UMAD1: variants seen among roughly 807,000 people sequenced by gnomAD.
UMAD1 encodes the protein UBAP1-MVB12-associated (UMA)-domain containing protein 1.
UMAD1 carries 8 observed loss-of-function variants against 6.1 expected under a neutral mutation model. The ratio of observed to expected loss-of-function variants is 1.30; its 90% CI spans 0.76 to 2.35. UMAD1 has a LOEUF of 2.35. Ranked by LOEUF, UMAD1 falls within the 30% of genes most tolerant of loss-of-function variation. The probability of loss-of-function intolerance (pLI) is 0.00; values close to 1 mark genes in which losing one functional copy is unlikely to be tolerated. For synonymous variants in UMAD1, 56 were observed against 31.4 expected (o/e 1.78, Z -2.61); for missense variants, 130 against 78.4 (o/e 1.66, Z -2.49).
At chr7:7,755,176 C>T (rs1446240288) in intron 2 of UMAD1, among the ~76,000 whole-genome samples, 1 of 152,136 alleles carries the variant, frequency 6.6e-6, no homozygotes, top group Non-Finnish European at 1.5e-5. Flanking sequence ...ATATTTTATT[C>T]TTTAAAAAAT....
At chr7:7,770,270 G>GC (rs1294557350) in intron 2 of UMAD1, among the ~76,000 whole-genome samples, 1 of 152,050 alleles carries the variant, frequency 6.6e-6, no homozygotes, top group Non-Finnish European at 1.5e-5. Context: ...TCCCCCAGAG[G>GC]CAAGTGCATC....
chr7:7,780,842 T>G (rs1490647894), intron 2 of UMAD1, among the ~76,000 whole-genome samples: 1 of 152,236 alleles, frequency 6.6e-6, no homozygotes, highest in Non-Finnish European at 1.5e-5. Flanking sequence ...TGTGTGTTTA[T>G]GCATTAATAT....
rs58330639 is a variant in UMAD1, at chr7:7,689,745, T to C, written c.82+16292T>C. ...TTGGAAATAGTCTGGAGTTCAATTT[T>C]AAATGAAATTAATAGATTGTCAGAG... On this transcript the variant is annotated intron_variant, in intron 2 of 3. Transcript: ENST00000682710. 3.4e-3 allele frequency among the ~76,000 whole-genome samples: 517 copies of C among 152,296 alleles called. 2 individuals carry two copies. Among genetic ancestry groups the C allele is most frequent in the African/African-American group, 0.012 (496 of 41,582 alleles).
chr7:7,832,184 C>T (rs1427511712), intron 3 of UMAD1, among the ~76,000 whole-genome samples: 1 of 152,180 alleles, frequency 6.6e-6, no homozygotes, highest in African/African-American at 2.4e-5. Flanking sequence ...TTCTTCATAC[C>T]ATAGCATTGT....
intron 2 of UMAD1, among the ~76,000 whole-genome samples, chr7:7,798,418 C>T (rs1330487376): frequency 6.6e-6 from 1 of 152,148 alleles, no homozygotes; most frequent in Admixed American, 6.5e-5. Context: ...TGTTTCCAGC[C>T]TTAAAAACTT....
At chr7:7,834,651 A>C (rs975664227) in intron 3 of UMAD1, among the ~76,000 whole-genome samples, 2 of 152,084 alleles carry the variant, frequency 1.3e-5, no homozygotes, top group African/African-American at 4.8e-5. Context: ...TCTTCTTCCT[A>C]TAAAGCCACA....
chr7:7,876,429 A>AT (rs977624299), intron 3 of UMAD1, among the ~76,000 whole-genome samples: 1 of 152,008 alleles, frequency 6.6e-6, no homozygotes, highest in Non-Finnish European at 1.5e-5. Flanking sequence ...GGGGGGAGTC[A>AT]TTTTTTTGCC....
chr7:7,876,060 TAACA>T (rs575675745), intron 3 of UMAD1, among the ~76,000 whole-genome samples: 106 of 152,088 alleles, frequency 7.0e-4, no homozygotes, highest in Middle Eastern at 3.4e-3. Flanking sequence ...CTCAAAAAAA[TAACA>T]AACAAAAACC....
At chr7:7,872,469 C>T (rs141378479) in intron 3 of UMAD1, among the ~76,000 whole-genome samples, 2 of 152,264 alleles carry the variant, frequency 1.3e-5, no homozygotes, top group Non-Finnish European at 2.9e-5. Context: ...GGGCATGGTT[C>T]GTGGCACTGC....
At chr7:7,767,283 A>C (rs1267397711) in intron 2 of UMAD1, among the ~76,000 whole-genome samples, 1 of 151,550 alleles carries the variant, frequency 6.6e-6, no homozygotes, top group Non-Finnish European at 1.5e-5. Flanking sequence ...CTGCCACCAC[A>C]CCCGGCTAAT....
intron 2 of UMAD1, among the ~76,000 whole-genome samples, chr7:7,712,629 G>A (rs1281183500): frequency 2.0e-5 from 3 of 152,116 alleles, no homozygotes; most frequent in African/African-American, 7.2e-5. Flanking sequence ...TCTGTGAATA[G>A]TGAGTTTTGT....
At chr7:7,773,169 T>A (rs942633235) in intron 2 of UMAD1, among the ~76,000 whole-genome samples, 2 of 152,238 alleles carry the variant, frequency 1.3e-5, no homozygotes, top group Non-Finnish European at 2.9e-5. Context: ...TGCACAGTTA[T>A]ATTTACATTA....
At chr7:7,784,197 T>C (rs1230905342) in intron 2 of UMAD1, among the ~76,000 whole-genome samples, 2 of 152,186 alleles carry the variant, frequency 1.3e-5, no homozygotes, top group Non-Finnish European at 2.9e-5. Context: ...TGTTATTTGC[T>C]TCACTTATTA....
intron 3 of UMAD1, among the ~76,000 whole-genome samples, chr7:7,816,038 T>A (rs1398218106): frequency 2.6e-5 from 4 of 151,842 alleles, no homozygotes; most frequent in East Asian, 1.9e-4. Flanking sequence ...GACATTAATT[T>A]AAAAAAAAAT....
intron 2 of UMAD1, among the ~76,000 whole-genome samples, chr7:7,745,759 G>A (rs1335974430): frequency 1.3e-5 from 2 of 152,174 alleles, no homozygotes; most frequent in African/African-American, 4.8e-5. Context: ...AAGTAGTCTA[G>A]TACGATGACA....
intron 3 of UMAD1, among the ~76,000 whole-genome samples, chr7:7,839,654 A>G (rs191055364): frequency 6.6e-6 from 1 of 152,202 alleles, no homozygotes; most frequent in African/African-American, 2.4e-5. Flanking sequence ...GAAAAGTCAT[A>G]ATAAGGAAGA....
At chr7:7,664,959 A>G (rs182032216) in intron 1 of UMAD1, among the ~76,000 whole-genome samples, 75 of 152,290 alleles carry the variant, frequency 4.9e-4, no homozygotes, top group African/African-American at 1.3e-3. Flanking sequence ...TGAAATTTAC[A>G]TATTTATTGT....
chr7:7,867,730 A>G (rs1203490387), intron 3 of UMAD1, among the ~76,000 whole-genome samples: 1 of 152,176 alleles, frequency 6.6e-6, no homozygotes, highest in East Asian at 1.9e-4. Flanking sequence ...TGAAAAAAAC[A>G]TAGAAAGATA....
intron 2 of UMAD1, among the ~76,000 whole-genome samples, chr7:7,730,242 C>T (rs1437179974): frequency 1.3e-5 from 2 of 152,140 alleles, no homozygotes; most frequent in African/African-American, 4.8e-5. Flanking sequence ...TTTGGAATCA[C>T]GTGGGGTGCT....
Sources: allele counts gnomAD v4.1 joint callset (sites outside exome capture counted in the v4.1 genomes callset), GRCh38; gene constraint gnomAD v4.1.1; transcripts MANE v1.5; gene names NCBI Gene and HGNC (gene_info 2026-07-23, HGNC 2026-07-21).